CCDC30: variants seen among roughly 807,000 people sequenced by gnomAD.
The protein encoded by CCDC30 is coiled-coil domain-containing protein 30.
CCDC30 carries 70 observed loss-of-function variants against 100.2 expected under a neutral mutation model. The observed-to-expected ratio is 0.70, with a 90% confidence interval of 0.58 to 0.85. The LOEUF (loss-of-function observed/expected upper bound fraction) is 0.85, where lower values mean the gene tolerates loss of function less well. Among genes scored for constraint, CCDC30 ranks in the 40% least tolerant of loss-of-function variants. The pLI, the probability that CCDC30 is intolerant of heterozygous loss-of-function variation, is 0.00. For missense variants in CCDC30, 652 were observed against 771.2 expected (o/e 0.85, Z 1.83); for synonymous variants, 233 against 269.5 (o/e 0.86, Z 1.33).
At chr1:42,456,536 C>T in the CCDC30 span, 7 of 1,443,650 alleles carry the variant, frequency 4.8e-6, no homozygotes, top group African/African-American at 5.8e-5. Context: ...GGCCGCGAAA[C>T]GTGCGCAGGC....
chr1:42,494,221 C>T (rs1039012671), intron 4 of CCDC30, among the ~76,000 whole-genome samples: 2 of 152,208 alleles, frequency 1.3e-5, no homozygotes, highest in Admixed American at 6.5e-5. Context: ...ACTATCTGAT[C>T]TTTGACAAAT....
At chr1:42,462,035 AAGT>A (rs1290644593), upstream of CCDC30, among the ~76,000 whole-genome samples, 1 of 152,216 alleles carries the variant, frequency 6.6e-6, no homozygotes, top group Non-Finnish European at 1.5e-5. Context: ...ATGGGGTTAA[AAGT>A]AGAAGTGATC....
chr1:42,486,850 C>T (rs1644058887), intron 3 of CCDC30, among the ~76,000 whole-genome samples: 1 of 152,132 alleles, frequency 6.6e-6, no homozygotes, highest in African/African-American at 2.4e-5. Context: ...GAAGGAAGTA[C>T]TTACACCTGC....
chr1:42,497,743 C>T (rs1306390692), intron 5 of CCDC30, among the ~76,000 whole-genome samples: 1 of 152,062 alleles, frequency 6.6e-6, no homozygotes, highest in African/African-American at 2.4e-5. Context: ...GCAAGAGTGA[C>T]TAAAGACCCA....
intron 6 of CCDC30, among the ~76,000 whole-genome samples, chr1:42,542,008 A>G (rs1645020996): frequency 6.6e-6 from 1 of 152,254 alleles, no homozygotes; most frequent in African/African-American, 2.4e-5. Context: ...TTCTCAGCCT[A>G]TGCTCTTTCT....
intron 8 of CCDC30, among the ~76,000 whole-genome samples, chr1:42,580,180 T>C (rs992104676): frequency 2.0e-5 from 3 of 152,190 alleles, no homozygotes; most frequent in African/African-American, 7.2e-5. Context: ...TAGTACTGAA[T>C]TCCTTAAGTA....
Position 42,637,845 on chromosome 1 carries a change from A to G in CCDC30, c.1419+467A>G, listed in dbSNP as rs139467427. 1.3e-4 allele frequency among the ~76,000 whole-genome samples: 20 copies of G among 152,304 alleles called. No individual in the cohort carries two copies. The South Asian group carries it at 2.5e-3, about 19-fold the overall frequency. ...GCCCTTGTGACTTAGTGGTGGATGA[A>G]TAAACAGGAAATGGGACAGATGAAT... On this transcript the variant is annotated intron_variant, in intron 12 of 16. Transcript: ENST00000668663.
intron 10 of CCDC30, among the ~76,000 whole-genome samples, chr1:42,607,129 C>G (rs1235449351): frequency 2.0e-5 from 3 of 152,046 alleles, no homozygotes; most frequent in Non-Finnish European, 4.4e-5. Context: ...TTAAAGCTAG[C>G]AAAGTAGCAG....
At chr1:42,502,125 T>C (rs1644323547) in intron 6 of CCDC30, among the ~76,000 whole-genome samples, 1 of 152,218 alleles carries the variant, frequency 6.6e-6, no homozygotes, top group African/African-American at 2.4e-5. Context: ...CTTCCCGGCT[T>C]CTTTGTTTAC....
chr1:42,490,606 G>T (rs1036758647), intron 4 of CCDC30, among the ~76,000 whole-genome samples: 2 of 151,726 alleles, frequency 1.3e-5, no homozygotes, highest in Non-Finnish European at 2.9e-5. Context: ...CAGGTACTCT[G>T]CCAGGCACTT....
intron 11 of CCDC30, among the ~76,000 whole-genome samples, chr1:42,615,116 TA>T (rs1646700223): frequency 6.6e-6 from 1 of 152,166 alleles, no homozygotes; most frequent in South Asian, 2.1e-4. Context: ...TTAGGGTTTT[TA>T]AGGATTTTGG....
intron 6 of CCDC30, among the ~76,000 whole-genome samples, chr1:42,514,526 C>G (rs995444669): frequency 5.9e-5 from 9 of 152,082 alleles, no homozygotes; most frequent in Non-Finnish European, 1.2e-4. Context: ...TGCTTGTTAG[C>G]CATTTGCATA....
chr1:42,632,701 A>G (rs113150519), intron 11 of CCDC30, among the ~76,000 whole-genome samples: 23,693 of 151,082 alleles, frequency 0.16, 2,076 homozygotes, highest in South Asian at 0.31. Context: ...CGGAGGTTGC[A>G]GTGAGCCGAG....
At chr1:42,559,274 A>G (rs1645436326) in intron 6 of CCDC30, among the ~76,000 whole-genome samples, 1 of 152,214 alleles carries the variant, frequency 6.6e-6, no homozygotes, top group South Asian at 2.1e-4. Flanking sequence ...TGATAACAGG[A>G]TAAGATTCAC....
intron 8 of CCDC30, among the ~76,000 whole-genome samples, chr1:42,577,497 C>CT (rs1278454854): frequency 6.6e-6 from 1 of 151,982 alleles, no homozygotes; most frequent in Non-Finnish European, 1.5e-5. Context: ...CCCATGTGGC[C>CT]TTTGTTTTAT....
chr1:42,621,031 G>A (rs2148657197), intron 11 of CCDC30, among the ~76,000 whole-genome samples: 1 of 152,318 alleles, frequency 6.6e-6, no homozygotes, highest in East Asian at 1.9e-4. Flanking sequence ...ATTAATGTAA[G>A]TAGAGAATTT....
At chr1:42,473,102 T>C (rs561978398) in intron 1 of CCDC30, 6 of 1,225,992 alleles carry the variant, frequency 4.9e-6, no homozygotes, top group South Asian at 8.5e-5. Flanking sequence ...CATATACATA[T>C]GCTTATTTCT....
chr1:42,456,526 G>C, the CCDC30 span: 1 of 1,437,312 alleles, frequency 7.0e-7, no homozygotes, highest in Non-Finnish European at 9.1e-7. Flanking sequence ...GTGGCGCGGC[G>C]GCCGCGAAAC....
intron 10 of CCDC30, among the ~76,000 whole-genome samples, chr1:42,603,408 T>A (rs4660230): frequency 1.3e-5 from 2 of 151,954 alleles, no homozygotes; most frequent in Non-Finnish European, 2.9e-5. Flanking sequence ...TATGTTTCAA[T>A]AGGAATTTTG....
Sources: allele counts gnomAD v4.1 joint callset (sites outside exome capture counted in the v4.1 genomes callset), GRCh38; gene constraint gnomAD v4.1.1; transcripts MANE v1.5; gene names NCBI Gene and HGNC (gene_info 2026-07-23, HGNC 2026-07-21).